EYA4: variants seen among roughly 807,000 people sequenced by gnomAD.
The protein encoded by EYA4 is EYA transcriptional coactivator and phosphatase 4, also known as protein phosphatase EYA4.
EYA4 carries 31 observed loss-of-function variants against 87.9 expected under a neutral mutation model. The observed-to-expected ratio is 0.35, with a 90% CI of 0.27 to 0.48. The LOEUF (loss-of-function observed/expected upper bound fraction) is 0.48. EYA4 is among the 20% of genes least tolerant of loss of function. EYA4 has a pLI of 0.99. For synonymous variants in EYA4, 263 were observed against 270.6 expected, an observed-to-expected ratio of 0.97 and a Z score of 0.28; for missense variants, 678 against 761.4, an observed-to-expected ratio of 0.89 and a Z score of 1.29.
chr6:133,312,220 T>C (rs1015474432), intron 2 of EYA4, among the ~76,000 whole-genome samples: 5 of 152,074 alleles, frequency 3.3e-5, no homozygotes, highest in Non-Finnish European at 5.9e-5. Context: ...GGCGGTTACC[T>C]GCTGTTAAGG....
chr6:133,307,802 G>C (rs1431047045), intron 2 of EYA4, among the ~76,000 whole-genome samples: 3 of 152,098 alleles, frequency 2.0e-5, no homozygotes, highest in East Asian at 1.9e-4. Flanking sequence ...GATTTGAAAG[G>C]CTGTAGAACC....
chr6:133,501,416 A>T (rs1329907870), intron 13 of EYA4, among the ~76,000 whole-genome samples: 1 of 152,086 alleles, frequency 6.6e-6, no homozygotes, highest in Non-Finnish European at 1.5e-5. Flanking sequence ...GTCACTCAAT[A>T]AATATATGAT....
At chr6:133,381,468 A>G (rs1457542976) in intron 2 of EYA4, among the ~76,000 whole-genome samples, 5 of 152,110 alleles carry the variant, frequency 3.3e-5, no homozygotes, top group African/African-American at 1.2e-4. Context: ...CACATTGCAC[A>G]CATGTTCCTC....
In EYA4 at chr6:133,305,570, T is replaced by C. The variant is rs188975023; in HGVS notation, c.33+30757T>C. On this transcript the variant is annotated intron_variant, in intron 2 of 19. Coordinates refer to ENST00000355286, the MANE Select transcript of EYA4 (RefSeq NM_004100.5). The stretch of plus-strand genomic sequence containing the variant: ...CAGCAAACAGGGTTTAATTCTTTTT[T>C]AATCTTTGAGTTTCACTTGTAAGAA... 9.2e-5 allele frequency among the ~76,000 whole-genome samples: 14 copies of C among 152,376 alleles called. No individual in the cohort carries two copies. In the East Asian group the frequency reaches 2.7e-3, roughly 29 times the overall value.
rs1800844733 is a variant in EYA4, at chr6:133,528,916, C to T, written c.*111C>T. ...TATAAATTGTCTTAATGGATGAAAT[C>T]ATATTTGGAATAAAAATTCCAGAAT... On this transcript the variant is annotated 3_prime_UTR_variant, in exon 20 of 20. Coordinates refer to ENST00000355286, the MANE Select transcript of EYA4 (RefSeq NM_004100.5). The T allele has an allele frequency of 6.3e-7, 1 of 1,583,940 alleles. No homozygotes were observed. The highest frequency in any genetic ancestry group is 2.3e-5 in the East Asian group (1 of 43,726).
chr6:133,274,096 T>C (rs1274406923), intron 1 of EYA4, among the ~76,000 whole-genome samples: 1 of 152,192 alleles, frequency 6.6e-6, no homozygotes, highest in Non-Finnish European at 1.5e-5. Context: ...TAATGTATGG[T>C]ATGGAGTAAA....
At chr6:133,291,759 A>C (rs1778506262) in intron 2 of EYA4, among the ~76,000 whole-genome samples, 1 of 152,138 alleles carries the variant, frequency 6.6e-6, no homozygotes, top group Non-Finnish European at 1.5e-5. Flanking sequence ...AAAAGTGGTC[A>C]CCTCAGCTCA....
At position 133,394,287 on chromosome 6, in the gene EYA4, T is replaced by A. The variant is rs1787581788; in HGVS notation, c.83+11846T>A. 2.5e-3 allele frequency among the ~76,000 whole-genome samples: 39 copies of A among 15,682 alleles called. 3 individuals carry two copies. The highest frequency in any genetic ancestry group is 3.1e-3 in the African/African-American group (33 of 10,680). 10.3% of individuals were successfully genotyped at this position (15,682 alleles called of 152,430 possible). A position where few individuals can be genotyped will look rare whatever the true frequency, so the allele number is the denominator to read the frequency against. ...AAAAATGTATATATAAGCTTGTGTT[T>A]TTTTTTTTTTTTTTTTTTTTTTTTT... On this transcript the variant is annotated intron_variant, in intron 3 of 19. Transcript: ENST00000355286.
At position 133,529,516 on chromosome 6, in the gene EYA4, G is replaced by C; in HGVS notation, c.*711G>C. ...TGTAACTTTGGTTAAAATCTCTGTAGATAATGAAAAAAAACAAAAAAAAAA... is the reference window on the plus strand; with the variant it reads ...TGTAACTTTGGTTAAAATCTCTGTACATAATGAAAAAAAACAAAAAAAAAA... On this transcript the variant is annotated 3_prime_UTR_variant, in exon 20 of 20. Transcript: ENST00000355286. 1 of 873,334 alleles carries C rather than the reference G, an allele frequency of 1.1e-6. No individual in the cohort carries two copies. The highest frequency in any genetic ancestry group is 1.4e-6 in the Non-Finnish European group (1 of 740,506). 54.1% of individuals were successfully genotyped at this position (873,334 alleles called of 1,614,324 possible).
chr6:133,483,261 A>G (rs1468868710), intron 13 of EYA4, 146 bp downstream of exon 13: 3 of 629,864 alleles, frequency 4.8e-6, no homozygotes, highest in Middle Eastern at 3.0e-4. Flanking sequence ...CTAGTGTCTT[A>G]TAGTTCTTTA....
chr6:133,343,713 T>A (rs1340504375), intron 2 of EYA4, among the ~76,000 whole-genome samples: 1 of 151,992 alleles, frequency 6.6e-6, no homozygotes, highest in Non-Finnish European at 1.5e-5. Context: ...GTTTACATAT[T>A]CATTTTCCTG....
chr6:133,419,523 A>T (rs1406793544), intron 3 of EYA4, among the ~76,000 whole-genome samples: 1 of 152,192 alleles, frequency 6.6e-6, no homozygotes, highest in African/African-American at 2.4e-5. Flanking sequence ...TATCCTCCAA[A>T]TATGCCTCAG....
At chr6:133,299,041 G>C (rs1317137127) in intron 2 of EYA4, among the ~76,000 whole-genome samples, 4 of 152,146 alleles carry the variant, frequency 2.6e-5, no homozygotes, top group African/African-American at 9.7e-5. Context: ...TGCCTGTGGT[G>C]GGGGAATGAA....
intron 1 of EYA4, among the ~76,000 whole-genome samples, chr6:133,268,290 G>A (rs1171696410): frequency 1.3e-5 from 2 of 151,796 alleles, no homozygotes; most frequent in African/African-American, 4.8e-5. Context: ...TTTACTTTTG[G>A]GGCTGTTTTT....
At chr6:133,482,930 G>T (rs1452688882) in intron 12 of EYA4, 102 bp from the exon 13 acceptor site, 3 of 941,512 alleles carry the variant, frequency 3.2e-6, no homozygotes, top group Middle Eastern at 2.2e-4. Context: ...TCTATTAAAT[G>T]ATATCAAGAT....
intron 3 of EYA4, among the ~76,000 whole-genome samples, chr6:133,432,401 C>T (rs891669428): frequency 5.3e-5 from 8 of 152,062 alleles, no homozygotes; most frequent in Admixed American, 2.0e-4. Flanking sequence ...GATTTCAGGG[C>T]GCTGCATTGT....
chr6:133,285,184 G>C (rs1777948535), intron 2 of EYA4, among the ~76,000 whole-genome samples: 1 of 152,146 alleles, frequency 6.6e-6, no homozygotes, highest in Non-Finnish European at 1.5e-5. Flanking sequence ...TTTTAGTAGA[G>C]ACGGGGTTTC....
intron 3 of EYA4, among the ~76,000 whole-genome samples, chr6:133,429,088 G>A (rs1003811857): frequency 3.3e-5 from 5 of 151,144 alleles, no homozygotes; most frequent in African/African-American, 9.7e-5. Flanking sequence ...CACCACACCC[G>A]ACTAATTTTT....
Position 133,426,965 on chromosome 6 carries a change from A to G in EYA4, c.84-19665A>G, listed in dbSNP as rs536985599. ...CAATGTACATATTTTCTCTCTATAT[A>G]TCGGAATCTATATTTTCCCCCCTAC... On this transcript the variant is annotated intron_variant, in intron 3 of 19. Transcript: ENST00000355286. Among the ~76,000 whole-genome samples the G allele has an allele frequency of 4.6e-5, 7 of 152,338 alleles. No individual in the cohort carries two copies. The South Asian group carries it at 1.2e-3, about 27-fold the overall frequency.
Sources: gnomAD v4.1 joint callset for allele counts (sites outside exome capture counted in the v4.1 genomes callset) on GRCh38, gnomAD v4.1.1 for gene constraint, MANE v1.5 for transcripts, NCBI Gene and HGNC (gene_info 2026-07-23, HGNC 2026-07-21) for gene names.